RBFOX1: variants seen among roughly 807,000 people sequenced by gnomAD.
RBFOX1 encodes the protein RNA binding protein fox-1 homolog 1.
A neutral mutation model predicts 57.7 loss-of-function variants in RBFOX1; 8 were observed. The observed-to-expected ratio is 0.14, with a 90% CI of 0.08 to 0.25. The LOEUF (loss-of-function observed/expected upper bound fraction) is 0.25, where lower values mean the gene tolerates loss of function less well. RBFOX1 is among the 10% of genes least tolerant of loss of function. The pLI, the probability that RBFOX1 is intolerant of heterozygous loss-of-function variation, is 1.00. For missense variants in RBFOX1, 611 were observed against 548.5 expected, an observed-to-expected ratio of 1.11 and a Z score of -1.14; for synonymous variants, 326 against 222.4, an observed-to-expected ratio of 1.47 and a Z score of -4.15.
intron 1 of RBFOX1, among the ~76,000 whole-genome samples, chr16:6,210,301 G>A (rs1237441854): frequency 8.7e-6 from 1 of 114,298 alleles, no homozygotes; most frequent in Admixed American, 1.2e-4. Flanking sequence ...TGGGTGACAA[G>A]AGTGCAATTC....
At chr16:5,605,291 C>T (rs909772486) in intron 3 of RBFOX1, among the ~76,000 whole-genome samples, 5 of 152,234 alleles carry the variant, frequency 3.3e-5, no homozygotes, top group African/African-American at 1.2e-4. Flanking sequence ...TTCTCAGGCT[C>T]TTTCTGCTCT....
At chr16:5,516,021 C>T (rs529785045) in intron 2 of RBFOX1, among the ~76,000 whole-genome samples, 1 of 152,290 alleles carries the variant, frequency 6.6e-6, no homozygotes, top group African/African-American at 2.4e-5. Context: ...ACAATATTGC[C>T]TCCCTCTCAA....
At chr16:5,463,587 G>T (rs1352118337) in intron 1 of RBFOX1, among the ~76,000 whole-genome samples, 1 of 152,026 alleles carries the variant, frequency 6.6e-6, no homozygotes, top group African/African-American at 2.4e-5. Flanking sequence ...ATCACCTGAG[G>T]TCAGGAGTTT....
At chr16:5,677,446 A>G (rs933975021) in intron 3 of RBFOX1, among the ~76,000 whole-genome samples, 4 of 152,192 alleles carry the variant, frequency 2.6e-5, no homozygotes, top group African/African-American at 9.6e-5. Context: ...ATAAATGGGC[A>G]TGTAGGTAAA....
intron 4 of RBFOX1, among the ~76,000 whole-genome samples, chr16:7,493,895 T>C (rs2191392): frequency 0.98 from 148,966 of 152,336 alleles, 72,952 homozygotes; most frequent in East Asian, 1. Context: ...TATCGTCATC[T>C]CAGTAGGTGC....
intron 3 of RBFOX1, among the ~76,000 whole-genome samples, chr16:7,009,257 CTCTCCTTCCTCT>C (rs1452841289): frequency 2.1e-5 from 3 of 140,298 alleles, no homozygotes; most frequent in Admixed American, 7.3e-5. Flanking sequence ...CCTCTCCTTC[CTCTCCTTCCTCT>C]TCTTCTCTCT....
chr16:5,956,561 G>A (rs528383687), intron 4 of RBFOX1, among the ~76,000 whole-genome samples: 10 of 150,288 alleles, frequency 6.7e-5, no homozygotes, highest in Non-Finnish European at 1.3e-4. Context: ...GATGTGGGGT[G>A]GAAAACAGGC....
intron 1 of RBFOX1, among the ~76,000 whole-genome samples, chr16:5,349,893 T>C (rs2091526): frequency 0.99 from 151,360 of 152,244 alleles, 75,248 homozygotes; most frequent in East Asian, 1. Context: ...GAAACACATG[T>C]GCACCATCCA....
At chr16:5,637,925 C>T (rs2048736026) in intron 3 of RBFOX1, among the ~76,000 whole-genome samples, 1 of 152,156 alleles carries the variant, frequency 6.6e-6, no homozygotes, top group Non-Finnish European at 1.5e-5. Flanking sequence ...AGCACCAAGC[C>T]TTCTTTTGAA....
intron 3 of RBFOX1, among the ~76,000 whole-genome samples, chr16:6,800,704 GT>G (rs2085216822): frequency 2.0e-5 from 3 of 152,204 alleles, no homozygotes; most frequent in Admixed American, 2.0e-4. Flanking sequence ...TGGACGTTCA[GT>G]TTTTCCTAAA....
intron 3 of RBFOX1, among the ~76,000 whole-genome samples, chr16:6,782,462 C>G (rs555702149): frequency 6.6e-6 from 1 of 151,918 alleles, no homozygotes. Context: ...TCCAGAGTTC[C>G]TCTTATTGAT....
chr16:7,364,024 G>T (rs1215260319), intron 4 of RBFOX1, among the ~76,000 whole-genome samples: 2 of 152,158 alleles, frequency 1.3e-5, no homozygotes, highest in Non-Finnish European at 2.9e-5. Context: ...ATTTGTAGGT[G>T]CGATGGAAAA....
At chr16:7,549,887 C>G (rs2085793097) in intron 5 of RBFOX1, among the ~76,000 whole-genome samples, 2 of 152,142 alleles carry the variant, frequency 1.3e-5, no homozygotes, top group South Asian at 4.1e-4. Flanking sequence ...TCAGTCCAAT[C>G]ACGTTGACAA....
chr16:6,179,063 A>T (rs948029757), intron 1 of RBFOX1, among the ~76,000 whole-genome samples: 2 of 152,284 alleles, frequency 1.3e-5, no homozygotes, highest in East Asian at 3.9e-4. Flanking sequence ...AGACATCTTG[A>T]TAAGGTACTG....
intron 4 of RBFOX1, among the ~76,000 whole-genome samples, chr16:7,168,074 T>C (rs759190067): frequency 6.6e-6 from 1 of 152,192 alleles, no homozygotes; most frequent in African/African-American, 2.4e-5. Flanking sequence ...TGTTCCAGAA[T>C]AGTTGACAGC....
chr16:6,884,291 G>T (rs1343355094), intron 3 of RBFOX1, among the ~76,000 whole-genome samples: 1 of 152,156 alleles, frequency 6.6e-6, no homozygotes, highest in Non-Finnish European at 1.5e-5. Context: ...TGGGTACTGT[G>T]AAGCAACTGC....
chr16:5,728,517 C>G (rs945830389), intron 3 of RBFOX1, among the ~76,000 whole-genome samples: 1 of 152,160 alleles, frequency 6.6e-6, no homozygotes, highest in Non-Finnish European at 1.5e-5. Context: ...GCCCTCCTTG[C>G]CCACTTAGCA....
At chr16:5,639,115 T>G (rs1483307935) in intron 3 of RBFOX1, among the ~76,000 whole-genome samples, 1 of 152,238 alleles carries the variant, frequency 6.6e-6, no homozygotes, top group Non-Finnish European at 1.5e-5. Flanking sequence ...CTCTAGAGAC[T>G]AGGTTCTTTT....
At chr16:6,635,000 TATA>T (rs929058960) in intron 2 of RBFOX1, among the ~76,000 whole-genome samples, 92 of 143,046 alleles carry the variant, frequency 6.4e-4, no homozygotes, top group Non-Finnish European at 8.0e-4. Flanking sequence ...TATAATGTAA[TATA>T]ATACTTTATT....
Sources: gnomAD v4.1 joint callset for allele counts (sites outside exome capture counted in the v4.1 genomes callset) on GRCh38, gnomAD v4.1.1 for gene constraint, MANE v1.5 for transcripts, NCBI Gene and HGNC (gene_info 2026-07-23, HGNC 2026-07-21) for gene names.